VWC2L: variants seen among roughly 807,000 people sequenced by gnomAD.
The protein encoded by VWC2L is von Willebrand factor C domain containing 2 like.
In VWC2L, 10 loss-of-function variants were observed where a neutral mutation model predicts 21.6. The observed-to-expected ratio is 0.46, with a 90% CI of 0.29 to 0.78. VWC2L has a LOEUF of 0.78. VWC2L is among the 30% of genes least tolerant of loss of function. VWC2L has a pLI of 0.10. For missense variants in VWC2L, 209 were observed against 277.1 expected (o/e 0.75, Z 1.74); for synonymous variants, 96 against 94.3 (o/e 1.02, Z -0.10).
intron 2 of VWC2L, among the ~76,000 whole-genome samples, chr2:214,429,481 C>T (rs1440643264): frequency 1.3e-5 from 2 of 152,098 alleles, no homozygotes; most frequent in Non-Finnish European, 2.9e-5. Flanking sequence ...ATAAAGGCAG[C>T]TAAATTATCT....
chr2:214,497,046 A>T (rs1226343351), intron 3 of VWC2L, among the ~76,000 whole-genome samples: 1 of 152,218 alleles, frequency 6.6e-6, no homozygotes, highest in African/African-American at 2.4e-5. Flanking sequence ...TTAAGGTGAG[A>T]TGCAGATTTC....
chr2:214,531,719 C>T (rs145837888), intron 3 of VWC2L, among the ~76,000 whole-genome samples: 174 of 152,188 alleles, frequency 1.1e-3, no homozygotes, highest in African/African-American at 4.0e-3. Context: ...TCCAGGGGAG[C>T]GCCCACATGA....
intron 3 of VWC2L, among the ~76,000 whole-genome samples, chr2:214,476,842 T>C (rs981526301): frequency 2.6e-5 from 4 of 152,214 alleles, no homozygotes; most frequent in African/African-American, 9.6e-5. Context: ...TTATTAATAC[T>C]GTGGAAACTC....
chr2:214,504,264 T>C (rs978587772), intron 3 of VWC2L, among the ~76,000 whole-genome samples: 22 of 152,074 alleles, frequency 1.4e-4, no homozygotes, highest in Admixed American at 9.8e-4. Flanking sequence ...AAATGCGAGA[T>C]AGTTTGGTTG....
intron 3 of VWC2L, among the ~76,000 whole-genome samples, chr2:214,466,744 T>C (rs546439281): frequency 8.1e-4 from 123 of 152,344 alleles, no homozygotes; most frequent in Non-Finnish European, 1.2e-3. Context: ...AGTCACACTT[T>C]GTAGTTTTCA....
intron 3 of VWC2L, among the ~76,000 whole-genome samples, chr2:214,547,944 A>G (rs1226851918): frequency 6.6e-6 from 1 of 152,202 alleles, no homozygotes; most frequent in Admixed American, 6.5e-5. Flanking sequence ...CCACAAATAC[A>G]TGAAGGTTTG....
At chr2:214,547,222 A>T (rs1444262474) in intron 3 of VWC2L, among the ~76,000 whole-genome samples, 2 of 151,594 alleles carry the variant, frequency 1.3e-5, no homozygotes, top group Non-Finnish European at 2.9e-5. Context: ...TTCTGCAAGG[A>T]AATTTTAGGA....
At chr2:214,510,175 T>G (rs536115616) in intron 3 of VWC2L, 2 of 152,334 alleles carry the variant, frequency 1.3e-5, no homozygotes, top group Non-Finnish European at 2.9e-5. Flanking sequence ...ATACTCATTC[T>G]GAAGTTGTCA....
At chr2:214,433,595 C>T (rs746964917) in intron 2 of VWC2L, among the ~76,000 whole-genome samples, 6 of 152,094 alleles carry the variant, frequency 3.9e-5, no homozygotes, top group Non-Finnish European at 7.3e-5. Flanking sequence ...GTAACCAGCT[C>T]AATGCTTAAG....
rs1460598134 is a variant in VWC2L at position 214,411,376 on chromosome 2, A to G, written c.-491A>G. ...CTCAGAGCCTAGCCAAATCACCTCT[A>G]CTGCCGTAGCAAACACTGTGTAAGT... On this transcript the variant is annotated 5_prime_UTR_variant, in exon 1 of 4. Coordinates refer to ENST00000312504, the MANE Select transcript of VWC2L (RefSeq NM_001080500.4). 1 of 152,168 alleles carries G rather than the reference A, an allele frequency of 6.6e-6. No homozygotes were observed. 9.4% of individuals were successfully genotyped at this position (152,168 alleles called of 1,614,324 possible).
At chr2:214,488,710 C>T (rs747164699) in intron 3 of VWC2L, among the ~76,000 whole-genome samples, 2 of 152,190 alleles carry the variant, frequency 1.3e-5, no homozygotes, top group Non-Finnish European at 2.9e-5. Context: ...GTTTAATTGA[C>T]TCATGATTCT....
At chr2:214,557,694 A>G (rs1689894876) in intron 3 of VWC2L, among the ~76,000 whole-genome samples, 1 of 152,050 alleles carries the variant, frequency 6.6e-6, no homozygotes, top group African/African-American at 2.4e-5. Context: ...GGCCCCTCCT[A>G]CTGCTCAGAG....
chr2:214,564,537 G>A (rs4673865), intron 3 of VWC2L, among the ~76,000 whole-genome samples: 104,166 of 151,514 alleles, frequency 0.69, 37,523 homozygotes, highest in East Asian at 0.83. Flanking sequence ...CCACAGCTAC[G>A]CATGGTAGTG....
intron 3 of VWC2L, among the ~76,000 whole-genome samples, chr2:214,552,071 A>C (rs1365039550): frequency 1.3e-5 from 2 of 152,206 alleles, no homozygotes; most frequent in African/African-American, 2.4e-5. Flanking sequence ...CTCATTTCTA[A>C]CAAGCTCTCT....
At chr2:214,556,328 T>G (rs990338162) in intron 3 of VWC2L, among the ~76,000 whole-genome samples, 1 of 152,172 alleles carries the variant, frequency 6.6e-6, no homozygotes, top group Non-Finnish European at 1.5e-5. Context: ...AAACTGATTG[T>G]TTTTCTGGCT....
chr2:214,536,138 A>C (rs1055426890), intron 3 of VWC2L, among the ~76,000 whole-genome samples: 4 of 152,148 alleles, frequency 2.6e-5, no homozygotes, highest in African/African-American at 9.7e-5. Flanking sequence ...GGCACATAGT[A>C]AATGCTCAGT....
chr2:214,566,188 C>T (rs1402136078), intron 3 of VWC2L, among the ~76,000 whole-genome samples: 1 of 152,148 alleles, frequency 6.6e-6, no homozygotes, highest in Non-Finnish European at 1.5e-5. Flanking sequence ...TTTTATAACA[C>T]AGCAAATCAA....
intron 3 of VWC2L, among the ~76,000 whole-genome samples, chr2:214,524,729 T>C (rs1038289442): frequency 3.9e-5 from 6 of 152,074 alleles, no homozygotes; most frequent in African/African-American, 1.2e-4. Flanking sequence ...AATGCCCCAG[T>C]TTTTTTCTCA....
intron 2 of VWC2L, among the ~76,000 whole-genome samples, chr2:214,435,146 C>A (rs1398124414): frequency 6.6e-6 from 1 of 152,174 alleles, no homozygotes; most frequent in African/African-American, 2.4e-5. Context: ...GTTTCCATCT[C>A]TTATTTGCTA....
Sources: allele counts gnomAD v4.1 joint callset (sites outside exome capture counted in the v4.1 genomes callset), GRCh38; gene constraint gnomAD v4.1.1; transcripts MANE v1.5; gene names NCBI Gene and HGNC (gene_info 2026-07-23, HGNC 2026-07-21).